The following PDE4B variants were observed in gnomAD, a reference collection of about 807,000 sequenced individuals.
PDE4B encodes 3',5'-cyclic-AMP phosphodiesterase 4B.
A neutral mutation model predicts 82.2 loss-of-function variants in PDE4B; 20 were observed. The observed-to-expected ratio is 0.24, with a 90% confidence interval of 0.17 to 0.35. The LOEUF is 0.35. Ranked by LOEUF, PDE4B falls within the 10% of genes least tolerant of loss-of-function variation. The pLI, the probability that PDE4B is intolerant of heterozygous loss-of-function variation, is 1.00. For missense variants in PDE4B, 655 were observed against 907.2 expected, an observed-to-expected ratio of 0.72 and a Z score of 3.57; for synonymous variants, 320 against 318.9, an observed-to-expected ratio of 1.00 and a Z score of -0.04.
At chr1:66,059,456 A>T (rs1329258848) in intron 3 of PDE4B, among the ~76,000 whole-genome samples, 1 of 152,224 alleles carries the variant, frequency 6.6e-6, no homozygotes, top group Admixed American at 6.5e-5. Context: ...GCTGATAAAG[A>T]CATACTGGAG....
intron 3 of PDE4B, among the ~76,000 whole-genome samples, chr1:66,056,518 A>G (rs911054668): frequency 2.3e-4 from 17 of 73,626 alleles, no homozygotes; most frequent in African/African-American, 7.3e-4. Context: ...CTATCTATCT[A>G]TCTATCTATC....
intron 7 of PDE4B, among the ~76,000 whole-genome samples, chr1:66,296,543 G>C (rs1441708622): frequency 1.3e-5 from 2 of 152,078 alleles, no homozygotes; most frequent in Non-Finnish European, 2.9e-5. Flanking sequence ...GTGACCTTAG[G>C]CATGTTACTT....
At position 65,839,740 on chromosome 1, in the gene PDE4B, A is replaced by G. The variant is rs184392038; in HGVS notation, c.-71+46492A>G. 7.2e-5 allele frequency among the ~76,000 whole-genome samples: 11 copies of G among 152,278 alleles called. No homozygotes were observed. The East Asian group carries it at 2.1e-3, about 29-fold the overall frequency. On this transcript the variant is annotated intron_variant, in intron 1 of 16. Coordinates refer to ENST00000341517, the MANE Select transcript of PDE4B (RefSeq NM_002600.4). ...AGTGCTACAATAAATATATGTGTGC[A>G]TGTGTCTTTATAGTAGAATGATGTA...
intron 3 of PDE4B, among the ~76,000 whole-genome samples, chr1:66,224,028 A>G: frequency 6.6e-6 from 1 of 152,128 alleles, no homozygotes; most frequent in East Asian, 1.9e-4. Context: ...ACATCAACTA[A>G]GCCATCTCCT....
chr1:66,171,909 C>T (rs1449517582), intron 3 of PDE4B, among the ~76,000 whole-genome samples: 1 of 152,132 alleles, frequency 6.6e-6, no homozygotes, highest in East Asian at 1.9e-4. Flanking sequence ...AGCGCAGGAC[C>T]TTGTCCAAAG....
intron 3 of PDE4B, among the ~76,000 whole-genome samples, chr1:66,105,629 G>A (rs980908754): frequency 2.4e-4 from 36 of 151,942 alleles, no homozygotes; most frequent in African/African-American, 6.8e-4. Context: ...GCAGTGGTTT[G>A]TAGTTCTCCT....
chr1:66,195,684 C>T (rs1428437015), intron 3 of PDE4B, among the ~76,000 whole-genome samples: 1 of 152,146 alleles, frequency 6.6e-6, no homozygotes, highest in Non-Finnish European at 1.5e-5. Flanking sequence ...TTACCTAGCT[C>T]ATAAGTTTCC....
At chr1:65,864,475 T>C (rs894108466) in intron 1 of PDE4B, among the ~76,000 whole-genome samples, 16 of 152,174 alleles carry the variant, frequency 1.1e-4, no homozygotes, top group Admixed American at 2.0e-4. Context: ...TTTGCCCTGG[T>C]TTTTCCTCAT....
intron 7 of PDE4B, among the ~76,000 whole-genome samples, chr1:66,329,558 T>A (rs1206228363): frequency 6.6e-6 from 1 of 152,164 alleles, no homozygotes; most frequent in Non-Finnish European, 1.5e-5. Context: ...AATTCAGCTA[T>A]CTCTCTTTCT....
At chr1:66,049,734 T>A (rs548605160) in intron 3 of PDE4B, among the ~76,000 whole-genome samples, 2 of 152,018 alleles carry the variant, frequency 1.3e-5, no homozygotes, top group South Asian at 2.1e-4. Context: ...TGGGGCTTCC[T>A]GAATGTATAA....
chr1:66,217,649 G>T (rs1007869391), intron 3 of PDE4B, among the ~76,000 whole-genome samples: 2 of 152,074 alleles, frequency 1.3e-5, no homozygotes, highest in Non-Finnish European at 2.9e-5. Context: ...CAGTTGTTTT[G>T]CATATTTGTA....
chr1:66,015,115 C>T (rs115185133), intron 3 of PDE4B, among the ~76,000 whole-genome samples: 1,706 of 152,142 alleles, frequency 0.011, 34 homozygotes, highest in African/African-American at 0.04. Flanking sequence ...TTAACTTTTG[C>T]CTTTAAGACT....
chr1:66,259,149 T>A (rs1366764516), intron 6 of PDE4B, among the ~76,000 whole-genome samples: 1 of 152,218 alleles, frequency 6.6e-6, no homozygotes, highest in East Asian at 1.9e-4. Flanking sequence ...TTTATTTATT[T>A]ATGTATTTAC....
At chr1:66,301,936 T>C (rs1320681348) in intron 7 of PDE4B, among the ~76,000 whole-genome samples, 1 of 152,208 alleles carries the variant, frequency 6.6e-6, no homozygotes, top group East Asian at 1.9e-4. Flanking sequence ...TCCTAAATCT[T>C]GGAGCTTACT....
intron 1 of PDE4B, among the ~76,000 whole-genome samples, chr1:65,837,935 T>C (rs973524809): frequency 9.2e-5 from 14 of 152,178 alleles, no homozygotes; most frequent in South Asian, 4.1e-4. Flanking sequence ...TTCCCCTCTA[T>C]GTGTCCCTGT....
At chr1:66,327,831 A>G (rs963592438) in intron 7 of PDE4B, among the ~76,000 whole-genome samples, 2 of 152,212 alleles carry the variant, frequency 1.3e-5, no homozygotes, top group African/African-American at 4.8e-5. Context: ...GCAATTTTAA[A>G]TGGAAGAGAT....
chr1:66,336,734 TCTC>T (rs1660548666), intron 8 of PDE4B, among the ~76,000 whole-genome samples: 4 of 152,194 alleles, frequency 2.6e-5, no homozygotes, highest in African/African-American at 9.7e-5. Flanking sequence ...TGGTCCTTCT[TCTC>T]TTAAGGCATT....
At chr1:66,128,795 C>T (rs1000713155) in intron 3 of PDE4B, among the ~76,000 whole-genome samples, 1 of 152,160 alleles carries the variant, frequency 6.6e-6, no homozygotes, top group African/African-American at 2.4e-5. Context: ...TCTTATGTGG[C>T]AGCAGGCAAG....
intron 7 of PDE4B, among the ~76,000 whole-genome samples, chr1:66,304,083 G>A (rs1040034686): frequency 1.3e-5 from 2 of 152,078 alleles, no homozygotes; most frequent in Non-Finnish European, 2.9e-5. Flanking sequence ...ATTTAACCTA[G>A]TACCTACATG....
Sources: allele counts gnomAD v4.1 joint callset (sites outside exome capture counted in the v4.1 genomes callset), GRCh38; gene constraint gnomAD v4.1.1; transcripts MANE v1.5; gene names NCBI Gene and HGNC (gene_info 2026-07-23, HGNC 2026-07-21).